L3MBTL4: variants seen among roughly 807,000 people sequenced by gnomAD.
The protein encoded by L3MBTL4 is L3MBTL histone methyl-lysine binding protein 4.
A neutral mutation model predicts 84.5 loss-of-function variants in L3MBTL4; 70 were observed. The observed-to-expected ratio is 0.83, with a 90% CI of 0.68 to 1.01. The LOEUF is 1.01. Ranked by LOEUF, L3MBTL4 falls within the 50% of genes least tolerant of loss-of-function variation. The pLI is 0.00. For missense variants in L3MBTL4, 715 were observed against 754.8 expected, an observed-to-expected ratio of 0.95 and a Z score of 0.62; for synonymous variants, 274 against 259.8, an observed-to-expected ratio of 1.05 and a Z score of -0.52.
At chr18:6,094,985 T>C (rs546698411) in intron 14 of L3MBTL4, among the ~76,000 whole-genome samples, 11 of 152,326 alleles carry the variant, frequency 7.2e-5, no homozygotes, top group Admixed American at 2.0e-4. Flanking sequence ...TCTATTCAGG[T>C]ATTGATTCAA....
intron 1 of L3MBTL4, among the ~76,000 whole-genome samples, chr18:6,389,601 G>A (rs341208): frequency 0.51 from 76,957 of 151,912 alleles, 19,547 homozygotes; most frequent in East Asian, 0.59. Context: ...ATAAACAGGT[G>A]GAAACAAATA....
intron 1 of L3MBTL4, among the ~76,000 whole-genome samples, chr18:6,360,533 G>A (rs1427941529): frequency 6.6e-6 from 1 of 152,146 alleles, no homozygotes; most frequent in Non-Finnish European, 1.5e-5. Flanking sequence ...TCACTTTAAT[G>A]TTACACAGAG....
intron 1 of L3MBTL4, among the ~76,000 whole-genome samples, chr18:6,374,885 G>A (rs1315991704): frequency 1.3e-5 from 2 of 152,092 alleles, no homozygotes; most frequent in Non-Finnish European, 2.9e-5. Context: ...GAAATCTATG[G>A]AAAAATATTC....
intron 1 of L3MBTL4, among the ~76,000 whole-genome samples, chr18:6,372,635 T>G (rs1335092954): frequency 6.6e-6 from 1 of 152,234 alleles, no homozygotes; most frequent in Non-Finnish European, 1.5e-5. Flanking sequence ...TCACACCTGC[T>G]GACCTACTGT....
intron 3 of L3MBTL4, among the ~76,000 whole-genome samples, chr18:6,308,012 C>T (rs1249847916): frequency 1.3e-5 from 2 of 152,176 alleles, no homozygotes; most frequent in Non-Finnish European, 2.9e-5. Flanking sequence ...ACACACTAGA[C>T]ATCAATGAAA....
intron 10 of L3MBTL4, among the ~76,000 whole-genome samples, chr18:6,234,750 A>T (rs2047145798): frequency 6.6e-6 from 1 of 152,180 alleles, no homozygotes; most frequent in South Asian, 2.1e-4. Context: ...ATTGTGGAAG[A>T]CAGTGTGGCG....
intron 16 of L3MBTL4, among the ~76,000 whole-genome samples, chr18:6,018,415 G>A (rs1470163051): frequency 6.6e-6 from 1 of 152,186 alleles, no homozygotes; most frequent in Admixed American, 6.5e-5. Flanking sequence ...CCACTGCAAA[G>A]GCTAGAACCA....
At chr18:6,320,418 C>A (rs184434852) in intron 1 of L3MBTL4, among the ~76,000 whole-genome samples, 1 of 151,998 alleles carries the variant, frequency 6.6e-6, no homozygotes, top group East Asian at 1.9e-4. Context: ...TAAATTAATT[C>A]GGTAAAGTCT....
intron 10 of L3MBTL4, among the ~76,000 whole-genome samples, chr18:6,217,356 C>A (rs1244729751): frequency 6.6e-6 from 1 of 152,144 alleles, no homozygotes; most frequent in East Asian, 1.9e-4. Context: ...TTCTGTTTTT[C>A]CCTTTACGTA....
At chr18:6,161,945 A>C (rs1470159556) in intron 13 of L3MBTL4, among the ~76,000 whole-genome samples, 1 of 150,430 alleles carries the variant, frequency 6.6e-6, no homozygotes, top group Non-Finnish European at 1.5e-5. Context: ...ATATATATAT[A>C]TCTAAGAAAG....
intron 16 of L3MBTL4, among the ~76,000 whole-genome samples, chr18:6,016,508 A>C (rs2054988418): frequency 6.6e-6 from 1 of 152,150 alleles, no homozygotes; most frequent in South Asian, 2.1e-4. Flanking sequence ...TGAAACTGCA[A>C]AGACACCTTT....
intron 1 of L3MBTL4, among the ~76,000 whole-genome samples, chr18:6,363,754 T>G (rs2144063925): frequency 6.6e-6 from 1 of 152,252 alleles, no homozygotes; most frequent in East Asian, 1.9e-4. Context: ...GGAGCCCAGC[T>G]TTGAACCCAG....
intron 16 of L3MBTL4, among the ~76,000 whole-genome samples, chr18:6,010,720 T>G (rs920493582): frequency 1.1e-4 from 17 of 152,348 alleles, no homozygotes; most frequent in African/African-American, 3.6e-4. Context: ...GAAGTCTAAT[T>G]TATTTATTTA....
At chr18:6,037,743 C>T (rs577864702) in intron 16 of L3MBTL4, among the ~76,000 whole-genome samples, 38 of 152,306 alleles carry the variant, frequency 2.5e-4, no homozygotes, top group South Asian at 8.3e-4. Context: ...CCAACTGTAG[C>T]CTCTGTTAAC....
At chr18:6,050,988 G>C (rs1275388223) in intron 16 of L3MBTL4, among the ~76,000 whole-genome samples, 2 of 152,130 alleles carry the variant, frequency 1.3e-5, no homozygotes, top group Non-Finnish European at 2.9e-5. Context: ...GGCAGCTGCC[G>C]CCAGGTCAGT....
chr18:6,307,034 T>C (rs2050616703), intron 3 of L3MBTL4, among the ~76,000 whole-genome samples: 1 of 152,140 alleles, frequency 6.6e-6, no homozygotes, highest in Non-Finnish European at 1.5e-5. Flanking sequence ...TCCAACCCCA[T>C]ACCTTTGCTC....
chr18:6,387,121 AC>A (rs2054855719), intron 1 of L3MBTL4, among the ~76,000 whole-genome samples: 1 of 152,168 alleles, frequency 6.6e-6, no homozygotes, highest in Non-Finnish European at 1.5e-5. Context: ...TTGGCAAAAC[AC>A]ACACACAAGA....
intron 1 of L3MBTL4, among the ~76,000 whole-genome samples, chr18:6,402,912 C>A (rs2055571246): frequency 6.6e-6 from 1 of 152,124 alleles, no homozygotes; most frequent in Non-Finnish European, 1.5e-5. Context: ...TTCATCACTG[C>A]AAATAATCAG....
intron 16 of L3MBTL4, among the ~76,000 whole-genome samples, chr18:5,995,374 AC>A (rs2053910119): frequency 6.6e-6 from 1 of 152,104 alleles, no homozygotes; most frequent in South Asian, 2.1e-4. Context: ...CAAAGCCTGA[AC>A]CATTTTTTTT....
Sources: allele counts gnomAD v4.1 joint callset (sites outside exome capture counted in the v4.1 genomes callset), GRCh38; gene constraint gnomAD v4.1.1; transcripts MANE v1.5; gene names NCBI Gene and HGNC (gene_info 2026-07-23, HGNC 2026-07-21).